The following PRIMA1 variants were observed in gnomAD, a reference collection of about 807,000 sequenced individuals.
The protein encoded by PRIMA1 is proline-rich membrane anchor 1.
PRIMA1 carries 7 observed loss-of-function variants against 17.5 expected under a neutral mutation model. The ratio of observed to expected loss-of-function variants is 0.40; its 90% confidence interval spans 0.23 to 0.75. The LOEUF (loss-of-function observed/expected upper bound fraction) is 0.75. Ranked by LOEUF, PRIMA1 falls within the 30% of genes least tolerant of loss-of-function variation. The probability of loss-of-function intolerance (pLI) is 0.37; values close to 1 mark genes in which losing one functional copy is unlikely to be tolerated. For missense variants in PRIMA1, 200 were observed against 201.8 expected (o/e 0.99, Z 0.05); for synonymous variants, 97 against 77.9 (o/e 1.25, Z -1.29).
At chr14:93,783,068 A>G (rs537533781) in intron 2 of PRIMA1, among the ~76,000 whole-genome samples, 1 of 152,164 alleles carries the variant, frequency 6.6e-6, no homozygotes, top group Non-Finnish European at 1.5e-5. Flanking sequence ...CACCTGCTCA[A>G]TGCTGCTGCT....
chr14:93,761,173 C>A (rs1331724055), intron 3 of PRIMA1, among the ~76,000 whole-genome samples: 1 of 152,140 alleles, frequency 6.6e-6, no homozygotes, highest in Non-Finnish European at 1.5e-5. Flanking sequence ...TGGCGAAACC[C>A]TGTCTCTACT....
chr14:93,780,801 G>T (rs1443233128), intron 2 of PRIMA1, among the ~76,000 whole-genome samples: 1 of 152,198 alleles, frequency 6.6e-6, no homozygotes, highest in Admixed American at 6.5e-5. Context: ...CAAGAGTCTG[G>T]TGTTTCATGC....
At chr14:93,783,947 A>G (rs1885453034) in intron 2 of PRIMA1, among the ~76,000 whole-genome samples, 1 of 152,104 alleles carries the variant, frequency 6.6e-6, no homozygotes, top group Admixed American at 6.5e-5. Context: ...CTCCTGGCCA[A>G]TCAGTGCAGT....
At chr14:93,782,877 A>G (rs1025464134) in intron 2 of PRIMA1, among the ~76,000 whole-genome samples, 15 of 152,054 alleles carry the variant, frequency 9.9e-5, no homozygotes, top group African/African-American at 2.7e-4. Flanking sequence ...CCATCCTTCA[A>G]ACCTATCTCT....
intron 3 of PRIMA1, among the ~76,000 whole-genome samples, chr14:93,737,947 C>T (rs900044352): frequency 1.0e-5 from 1 of 98,214 alleles, no homozygotes; most frequent in African/African-American, 3.9e-5. Context: ...CCTCTGCAGG[C>T]GGGGGTGGGG....
At chr14:93,758,500 G>A (rs1199176761) in intron 3 of PRIMA1, among the ~76,000 whole-genome samples, 2 of 150,530 alleles carry the variant, frequency 1.3e-5, no homozygotes, top group East Asian at 2.0e-4. Flanking sequence ...TTGGGAGGCT[G>A]AGGCACGAAA....
chr14:93,718,368 C>A lies in PRIMA1; in HGVS notation c.*3076G>T, dbSNP rs1185586129. The A allele has an allele frequency of 1.3e-5, 2 of 152,270 alleles. No individual in the cohort carries two copies. The highest frequency in any genetic ancestry group is 4.8e-5 in the African/African-American group (2 of 41,370). The allele number at this position is 152,270 out of a possible 1,614,324, so 9.4% of individuals were successfully genotyped here. On this transcript the variant is annotated 3_prime_UTR_variant, in exon 5 of 5. Coordinates refer to ENST00000393140, the MANE Select transcript of PRIMA1 (RefSeq NM_178013.4). ...CTTCCTCATAAGTGGCATATGGACA[C>A]CCCCAGTGCTGCCGGTCTCGCTTCC...
At chr14:93,782,772 G>A (rs1362194599) in intron 2 of PRIMA1, among the ~76,000 whole-genome samples, 1 of 152,220 alleles carries the variant, frequency 6.6e-6, no homozygotes, top group Non-Finnish European at 1.5e-5. Context: ...CCCCACTGCA[G>A]TGTCCTGATA....
chr14:93,782,840 A>G (rs770000322), intron 2 of PRIMA1, among the ~76,000 whole-genome samples: 1 of 152,058 alleles, frequency 6.6e-6, no homozygotes, highest in Non-Finnish European at 1.5e-5. Flanking sequence ...GGTTACTCAG[A>G]CCCCATATCC....
chr14:93,727,172 G>A (rs968418495), intron 4 of PRIMA1, among the ~76,000 whole-genome samples: 1 of 152,204 alleles, frequency 6.6e-6, no homozygotes, highest in South Asian at 2.1e-4. Context: ...CATCCCCTGG[G>A]ATCACCTGTT....
chr14:93,782,179 A>G (rs2141196290), intron 2 of PRIMA1, among the ~76,000 whole-genome samples: 1 of 150,844 alleles, frequency 6.6e-6, no homozygotes, highest in African/African-American at 2.4e-5. Flanking sequence ...GAGGCAGGAG[A>G]ATGGCGTGAA....
intron 3 of PRIMA1, among the ~76,000 whole-genome samples, chr14:93,741,464 C>T (rs2141164301): frequency 6.6e-6 from 1 of 152,302 alleles, no homozygotes; most frequent in Admixed American, 6.5e-5. Flanking sequence ...GAGAAGATAG[C>T]ATCATGAAGG....
chr14:93,746,785 A>G (rs2076221352), intron 3 of PRIMA1, among the ~76,000 whole-genome samples: 2 of 152,160 alleles, frequency 1.3e-5, no homozygotes, highest in South Asian at 4.1e-4. Flanking sequence ...GAGTCTGGAA[A>G]TGCTCTCGAG....
At chr14:93,748,602 G>T (rs1049078582) in intron 3 of PRIMA1, among the ~76,000 whole-genome samples, 1 of 151,954 alleles carries the variant, frequency 6.6e-6, no homozygotes, top group Non-Finnish European at 1.5e-5. Context: ...GCTGGTGGCC[G>T]AGGCCCTTCC....
chr14:93,788,869 C>T (rs1307152630), upstream of PRIMA1, among the ~76,000 whole-genome samples: 1 of 152,000 alleles, frequency 6.6e-6, no homozygotes, highest in Non-Finnish European at 1.5e-5. Flanking sequence ...CGCGTTGGCT[C>T]CCCGCCTTTC....
intron 3 of PRIMA1, among the ~76,000 whole-genome samples, chr14:93,751,261 T>C (rs2076257703): frequency 6.6e-6 from 1 of 152,202 alleles, no homozygotes; most frequent in South Asian, 2.1e-4. Context: ...CAGAGCATCC[T>C]CCACCAGTAA....
chr14:93,762,282 C>G (rs1014325776), intron 3 of PRIMA1, among the ~76,000 whole-genome samples: 3 of 152,182 alleles, frequency 2.0e-5, no homozygotes, highest in Non-Finnish European at 4.4e-5. Flanking sequence ...CCATTCCCCT[C>G]CCCTTTTAAT....
intron 4 of PRIMA1, among the ~76,000 whole-genome samples, chr14:93,734,389 C>T (rs1157747958): frequency 6.6e-6 from 1 of 152,198 alleles, no homozygotes; most frequent in Non-Finnish European, 1.5e-5. Context: ...AGCAATTCTT[C>T]CCCCTTCCTG....
At chr14:93,784,744 T>C (rs1885473165) in intron 2 of PRIMA1, among the ~76,000 whole-genome samples, 2 of 152,140 alleles carry the variant, frequency 1.3e-5, no homozygotes, top group African/African-American at 4.8e-5. Flanking sequence ...CACCACACCA[T>C]TGAGGCTTCT....
Sources: gnomAD v4.1 joint callset for allele counts (sites outside exome capture counted in the v4.1 genomes callset) on GRCh38, gnomAD v4.1.1 for gene constraint, MANE v1.5 for transcripts, NCBI Gene and HGNC (gene_info 2026-07-23, HGNC 2026-07-21) for gene names.